The following ZDHHC15 variants were observed in gnomAD, a reference collection of about 807,000 sequenced individuals.
ZDHHC15 encodes the protein palmitoyltransferase ZDHHC15.
A neutral mutation model predicts 31.7 loss-of-function variants in ZDHHC15; 19 were observed. That is an observed-to-expected ratio of 0.60 (90% CI 0.42 to 0.88). The LOEUF is 0.88. ZDHHC15 is among the 40% of genes least tolerant of loss of function. The pLI is 0.00. For synonymous variants in ZDHHC15, 103 were observed against 90.0 expected, an observed-to-expected ratio of 1.14 and a Z score of -0.82; for missense variants, 209 against 251.2, an observed-to-expected ratio of 0.83 and a Z score of 1.14.
chrX:75,397,191 G>A (rs763793925), intron 10 of ZDHHC15, among the ~76,000 whole-genome samples: 1 of 110,099 alleles, frequency 9.1e-6, no homozygotes, highest in Non-Finnish European at 1.9e-5. Context: ...GTCAGGCATG[G>A]TTGTGCATGC....
Position 75,370,199 on chromosome X carries a change from A to T in ZDHHC15, c.*2779T>A, listed in dbSNP as rs906891322. On this transcript the variant is annotated 3_prime_UTR_variant, in exon 12 of 12. Transcript: ENST00000373367. The stretch of plus-strand genomic sequence containing the variant: ...TGACATAGCACCCTTCAGCAGTAGG[A>T]TCCTAACAATGAGTATCTTCATTTT... The T allele has an allele frequency of 1.8e-5, 2 of 111,806 alleles. No individual in the cohort carries two copies. Among genetic ancestry groups the T allele is most frequent in the African/African-American group, 6.5e-5 (2 of 30,789 alleles). The allele number at this position is 111,806 out of a possible 1,213,427, so 9.2% of individuals were successfully genotyped here. A position where few individuals can be genotyped will look rare whatever the true frequency, so the allele number is the denominator to read the frequency against.
At chrX:75,427,767 G>A (rs2083732039) in intron 7 of ZDHHC15, among the ~76,000 whole-genome samples, 2 of 111,408 alleles carry the variant, frequency 1.8e-5, no homozygotes, top group South Asian at 7.5e-4. Context: ...TTATGAAAAA[G>A]TTTTACTTCT....
chrX:75,391,389 A>G (rs1266146957), intron 10 of ZDHHC15, among the ~76,000 whole-genome samples: 1 of 111,949 alleles, frequency 8.9e-6, no homozygotes, highest in Non-Finnish European at 1.9e-5. Flanking sequence ...GACCAAACAG[A>G]TTTAAGCCAA....
chrX:75,381,694 A>T (rs2147758180), intron 10 of ZDHHC15, among the ~76,000 whole-genome samples: 1 of 111,799 alleles, frequency 8.9e-6, no homozygotes, highest in South Asian at 3.8e-4. Flanking sequence ...CTAAGACTGT[A>T]GCCCACAACC....
chrX:75,407,133 C>T (rs1156701082), intron 10 of ZDHHC15, among the ~76,000 whole-genome samples: 1 of 111,974 alleles, frequency 8.9e-6, no homozygotes, highest in Non-Finnish European at 1.9e-5. Context: ...AGCGTCTCTG[C>T]CCGGCTGCCC....
intron 2 of ZDHHC15, 23 bp downstream of exon 2, chrX:75,505,798 T>C (rs2148047909): frequency 8.3e-7 from 1 of 1,208,575 alleles, no homozygotes; most frequent in South Asian, 1.8e-5. Flanking sequence ...TCCTGATCAA[T>C]ACAATTTCCA....
Position 75,383,741 on chromosome X carries a change from T to TG in ZDHHC15, c.968-4544_968-4543insC, listed in dbSNP as rs1173828443. On this transcript the variant is annotated intron_variant, in intron 10 of 11. Coordinates refer to ENST00000373367, the MANE Select transcript of ZDHHC15 (RefSeq NM_144969.3). ...CAAATTTAAGAAATGTTAGGTTTTT[T>TG]TTTTTTTTTTTTTTTGAGATGGAGT... Among the ~76,000 whole-genome samples, 58 of 87,210 alleles carry TG rather than the reference T, an allele frequency of 6.7e-4. 2 individuals are homozygous for TG. Among genetic ancestry groups the TG allele is most frequent in the Non-Finnish European group, 1.2e-3 (54 of 43,503 alleles). The allele number at this position is 87,210 out of a possible 115,157, so 75.7% of individuals were successfully genotyped here.
intron 2 of ZDHHC15, among the ~76,000 whole-genome samples, chrX:75,486,880 C>A (rs921022211): frequency 9.0e-6 from 1 of 111,382 alleles, no homozygotes; most frequent in African/African-American, 3.3e-5. Context: ...TAACCTTGCC[C>A]CCACATGCTG....
intron 11 of ZDHHC15, among the ~76,000 whole-genome samples, chrX:75,376,506 G>A (rs916364229): frequency 1.9e-4 from 21 of 110,930 alleles, no homozygotes; most frequent in African/African-American, 6.9e-4. Context: ...TATTTCCTAG[G>A]GTTGCTTCTA....
intron 10 of ZDHHC15, among the ~76,000 whole-genome samples, chrX:75,386,022 A>G (rs184449874): frequency 8.9e-6 from 1 of 112,166 alleles, no homozygotes; most frequent in Non-Finnish European, 1.9e-5. Context: ...TTCTCTCAAT[A>G]AATATTAGTT....
chrX:75,438,808 A>G (rs1003466258), intron 4 of ZDHHC15, among the ~76,000 whole-genome samples: 1 of 111,928 alleles, frequency 8.9e-6, no homozygotes, highest in Admixed American at 9.5e-5. Flanking sequence ...TTTTGTTTCA[A>G]GATATTGAAC....
At chrX:75,473,350 T>C (rs1161758363) in intron 3 of ZDHHC15, among the ~76,000 whole-genome samples, 1 of 111,734 alleles carries the variant, frequency 8.9e-6, no homozygotes, top group African/African-American at 3.3e-5. Flanking sequence ...TGTCTAGAAA[T>C]CAAGTGGTGG....
At position 75,474,468 on chromosome X, in the gene ZDHHC15, C is replaced by T. The variant is rs193231351; in HGVS notation, c.258+4423G>A. Among the ~76,000 whole-genome samples the T allele has an allele frequency of 4.9e-3, 424 of 86,613 alleles. 1 individual carries two copies. The highest frequency in any genetic ancestry group is 0.016 in the African/African-American group (405 of 25,037). 75.2% of individuals were successfully genotyped at this position (86,613 alleles called of 115,157 possible). A position where few individuals can be genotyped will look rare whatever the true frequency, so the allele number is the denominator to read the frequency against. On this transcript the variant is annotated intron_variant, in intron 3 of 11. Coordinates refer to ENST00000373367, the MANE Select transcript of ZDHHC15 (RefSeq NM_144969.3). ...ATATATACACACACACACACACACA[C>T]ACACATATATGTACTTTTATTATAC...
intron 11 of ZDHHC15, among the ~76,000 whole-genome samples, chrX:75,373,920 C>CTTTTT (rs2083026601): frequency 3.6e-5 from 1 of 27,871 alleles, no homozygotes; most frequent in Non-Finnish European, 9.9e-5. Flanking sequence ...CTTATTCATT[C>CTTTTT]TTTCTGTTTT....
intron 4 of ZDHHC15, among the ~76,000 whole-genome samples, chrX:75,447,579 C>A (rs1045253408): frequency 1.8e-5 from 2 of 111,477 alleles, no homozygotes; most frequent in Admixed American, 1.9e-4. Context: ...GCAAGATTTT[C>A]CCAAAAGCTG....
intron 3 of ZDHHC15, among the ~76,000 whole-genome samples, chrX:75,471,868 G>A (rs1321098673): frequency 9.0e-6 from 1 of 111,562 alleles, no homozygotes; most frequent in African/African-American, 3.3e-5. Context: ...CTAGGATTTT[G>A]GAGCAAGGCC....
intron 4 of ZDHHC15, among the ~76,000 whole-genome samples, chrX:75,433,601 C>A (rs1352857081): frequency 1.8e-5 from 2 of 109,210 alleles, no homozygotes; most frequent in African/African-American, 6.7e-5. Context: ...GCTGAGAATG[C>A]CATGATTTTG....
chrX:75,453,380 A>G (rs1218548732), intron 3 of ZDHHC15, among the ~76,000 whole-genome samples: 1 of 111,820 alleles, frequency 8.9e-6, no homozygotes, highest in Non-Finnish European at 1.9e-5. Flanking sequence ...ACAGGAGCTG[A>G]AATTGAGACA....
At chrX:75,403,162 AG>A (rs2083375598) in intron 10 of ZDHHC15, among the ~76,000 whole-genome samples, 3 of 112,454 alleles carry the variant, frequency 2.7e-5, no homozygotes, top group Admixed American at 9.4e-5. Flanking sequence ...AATAGATTCA[AG>A]AAATGCTTTT....
Sources: allele counts gnomAD v4.1 joint callset (sites outside exome capture counted in the v4.1 genomes callset), GRCh38; gene constraint gnomAD v4.1.1; transcripts MANE v1.5; gene names NCBI Gene and HGNC (gene_info 2026-07-23, HGNC 2026-07-21).